CDK6: variants seen among roughly 807,000 people sequenced by gnomAD.
The protein encoded by CDK6 is cyclin-dependent kinase 6.
Under a neutral mutation model 37.1 loss-of-function variants are expected in CDK6, and 6 were observed. That is an observed-to-expected ratio of 0.16 (90% CI 0.09 to 0.32). The LOEUF (loss-of-function observed/expected upper bound fraction) is 0.32. CDK6 is among the 10% of genes least tolerant of loss of function. The probability of loss-of-function intolerance (pLI) is 1.00; values close to 1 mark genes in which losing one functional copy is unlikely to be tolerated. For missense variants in CDK6, 224 were observed against 418.9 expected, an observed-to-expected ratio of 0.53 and a Z score of 4.06; for synonymous variants, 160 against 161.3, an observed-to-expected ratio of 0.99 and a Z score of 0.06.
chr7:92,796,968 G>A (rs1274513755), intron 2 of CDK6, among the ~76,000 whole-genome samples: 4 of 152,144 alleles, frequency 2.6e-5, no homozygotes, highest in South Asian at 4.1e-4. Flanking sequence ...AAACCAAAAT[G>A]TGGGGATGAG....
At chr7:92,655,585 T>C (rs1796676886) in intron 5 of CDK6, among the ~76,000 whole-genome samples, 1 of 152,250 alleles carries the variant, frequency 6.6e-6, no homozygotes, top group Admixed American at 6.5e-5. Context: ...TACAATTAAA[T>C]GGTTGGGCAA....
intron 2 of CDK6, among the ~76,000 whole-genome samples, chr7:92,804,381 T>C (rs927029142): frequency 6.6e-5 from 10 of 152,162 alleles, no homozygotes; most frequent in Admixed American, 3.3e-4. Flanking sequence ...ACCTTCACCG[T>C]GGATTCTAGT....
At chr7:92,709,321 T>A (rs140539177) in intron 4 of CDK6, among the ~76,000 whole-genome samples, 305 of 152,258 alleles carry the variant, frequency 2.0e-3, no homozygotes, top group Non-Finnish European at 3.5e-3. Flanking sequence ...TGTGTGAACA[T>A]GAGCTGATGT....
At chr7:92,616,643 C>G (rs1795687025) in intron 7 of CDK6, among the ~76,000 whole-genome samples, 1 of 152,062 alleles carries the variant, frequency 6.6e-6, no homozygotes, top group African/African-American at 2.4e-5. Context: ...TCCCAGAGCC[C>G]AAGAAGGAGA....
chr7:92,779,831 T>A (rs930741429), intron 2 of CDK6, among the ~76,000 whole-genome samples: 23 of 152,210 alleles, frequency 1.5e-4, no homozygotes, highest in Non-Finnish European at 3.4e-4. Context: ...GCATTTTGAA[T>A]CAATGGTTGT....
intron 5 of CDK6, among the ~76,000 whole-genome samples, chr7:92,634,760 C>T (rs1052498397): frequency 6.6e-6 from 1 of 152,158 alleles, no homozygotes. Context: ...CATTGACTTA[C>T]ATCCATCTAC....
rs368936758 is a variant in CDK6, at chr7:92,717,479, A to G, written c.537+8147T>C. On this transcript the variant is annotated intron_variant, in intron 4 of 7. Transcript: ENST00000424848. Reference sequence around the variant, plus strand: ...AAAGAAGAAAGAAAGAAAAAGAAAGAAAGAAAGAAAAGAAAGAAAAGAAAA... The same window carrying G: ...AAAGAAGAAAGAAAGAAAAAGAAAGGAAGAAAGAAAAGAAAGAAAAGAAAA... Among the ~76,000 whole-genome samples the G allele has an allele frequency of 1.2e-3, 188 of 151,854 alleles. 1 individual carries two copies. The highest frequency in any genetic ancestry group is 4.4e-3 in the African/African-American group (184 of 41,396).
chr7:92,662,694 G>T (rs1455130433), intron 5 of CDK6, among the ~76,000 whole-genome samples: 1 of 152,086 alleles, frequency 6.6e-6, no homozygotes, highest in Non-Finnish European at 1.5e-5. Flanking sequence ...CTGTCTCCAC[G>T]TATTTGCAAA....
At chr7:92,836,014 G>A (rs1478255674) in intron 1 of CDK6, among the ~76,000 whole-genome samples, 1 of 152,198 alleles carries the variant, frequency 6.6e-6, no homozygotes, top group African/African-American at 2.4e-5. Flanking sequence ...TCAGCGAGCT[G>A]GAGAGGGAGT....
chr7:92,642,403 G>A (rs1197601301), intron 5 of CDK6, among the ~76,000 whole-genome samples: 3 of 152,086 alleles, frequency 2.0e-5, no homozygotes, highest in Admixed American at 6.5e-5. Flanking sequence ...ATGCCGCCCA[G>A]CCCACTGTGA....
In CDK6 at chr7:92,833,308, G is replaced by C. The variant is rs556194182; in HGVS notation, c.16C>G (p.Leu6Val). 9 of 1,596,842 alleles carry C rather than the reference G, an allele frequency of 5.6e-6. No individual in the cohort carries two copies. Among genetic ancestry groups the C allele is most frequent in the Non-Finnish European group, 7.7e-6 (9 of 1,174,072 alleles). The change falls in exon 2 of 8, where the codon CTG (leucine) becomes GTG (valine). Residue 6 changes from leucine (L) to valine (V), a missense_variant. Leu to Val is a conservative substitution (Grantham distance 32, BLOSUM62 1). This residue lies in a region of CDK6 where 18 missense variants were observed against 18.5 expected (regional missense o/e 0.97). Transcript: ENST00000424848. The surrounding 1 kb of genome is among the most constrained non-coding windows in gnomAD (Gnocchi z 6.1). Reference sequence around the variant, plus strand: ...TCGTACTGCTGGTCAGCGCGGCACAGGCCGTCCTTCTCCATGCCGCCTGGA... The same window carrying C: ...TCGTACTGCTGGTCAGCGCGGCACACGCCGTCCTTCTCCATGCCGCCTGGA... MEKDG[L>V]CRADQQYECV... is the part of the protein sequence containing the mutation.
In CDK6 at chr7:92,613,493, G is replaced by A. The variant is rs573007662; in HGVS notation, c.*1647C>T. 4.3e-6 allele frequency: 1 copy of A among 233,688 alleles called. No individual in the cohort carries two copies. Among genetic ancestry groups the A allele is most frequent in the Admixed American group, 5.6e-5 (1 of 17,806 alleles). 14.5% of individuals were successfully genotyped at this position (233,688 alleles called of 1,614,324 possible). ...TGAGCACTAAACCACTTATAAGGCA[G>A]AGATGGTATGAAATATAAAGGACTG... On this transcript the variant is annotated 3_prime_UTR_variant, in exon 8 of 8. Transcript: ENST00000424848.
chr7:92,762,253 T>C (rs1047251488), intron 3 of CDK6, among the ~76,000 whole-genome samples: 1 of 152,214 alleles, frequency 6.6e-6, no homozygotes, highest in Non-Finnish European at 1.5e-5. Flanking sequence ...GGTTTATTTA[T>C]GGTAAATAAA....
chr7:92,690,564 CT>C (rs1797578183), intron 4 of CDK6, among the ~76,000 whole-genome samples: 1 of 152,100 alleles, frequency 6.6e-6, no homozygotes, highest in South Asian at 2.1e-4. Context: ...ATGCCTCCAG[CT>C]TTGTTCAAAA....
rs1234451552 is a variant in CDK6 at position 92,609,019 on chromosome 7, C to G, written c.*6121G>C. Reference sequence around the variant, plus strand: ...TTCGCATAGGGGCTTTAACTGGACTCTAGTTCCTGGGAGCAGAGGGGCGAA... The same window carrying G: ...TTCGCATAGGGGCTTTAACTGGACTGTAGTTCCTGGGAGCAGAGGGGCGAA... On this transcript the variant is annotated 3_prime_UTR_variant, in exon 8 of 8. Coordinates refer to ENST00000424848, the MANE Select transcript of CDK6 (RefSeq NM_001145306.2). 8.6e-6 allele frequency: 2 copies of G among 233,334 alleles called. No homozygotes were observed. The highest frequency in any genetic ancestry group is 6.0e-5 in the East Asian group (1 of 16,592). 14.5% of individuals were successfully genotyped at this position (233,334 alleles called of 1,614,324 possible). A position where few individuals can be genotyped will look rare whatever the true frequency, so the allele number is the denominator to read the frequency against.
chr7:92,619,599 G>A (rs766614911), intron 6 of CDK6, among the ~76,000 whole-genome samples: 48 of 151,834 alleles, frequency 3.2e-4, no homozygotes, highest in South Asian at 1.5e-3. Flanking sequence ...ATTTCAGGAA[G>A]ATGTGGTACA....
At position 92,810,900 on chromosome 7, in the gene CDK6, A is replaced by G. The variant is rs73408708; in HGVS notation, c.233+22191T>C. 5.4e-3 allele frequency among the ~76,000 whole-genome samples: 817 copies of G among 152,198 alleles called. 7 individuals carry two copies. Among genetic ancestry groups the G allele is most frequent in the African/African-American group, 0.018 (761 of 41,538 alleles). ...ATCCTAGCCAACATGGCGAAACCCCATCTAAAAATACAACAATTAGCTGGG... is the reference window on the plus strand; with the variant it reads ...ATCCTAGCCAACATGGCGAAACCCCGTCTAAAAATACAACAATTAGCTGGG... On this transcript the variant is annotated intron_variant, in intron 2 of 7. Coordinates refer to ENST00000424848, the MANE Select transcript of CDK6 (RefSeq NM_001145306.2).
intron 2 of CDK6, among the ~76,000 whole-genome samples, chr7:92,775,085 G>T (rs1217111865): frequency 6.6e-6 from 1 of 152,208 alleles, no homozygotes; most frequent in Admixed American, 6.5e-5. Context: ...CAACGCGCTT[G>T]GAGCACAAGA....
chr7:92,693,368 T>C lies in CDK6; in HGVS notation c.538-21833A>G, dbSNP rs115692153. Among the ~76,000 whole-genome samples, 310 of 152,328 alleles carry C rather than the reference T, an allele frequency of 2.0e-3. 1 individual carries two copies. Among genetic ancestry groups the C allele is most frequent in the African/African-American group, 7.0e-3 (291 of 41,574 alleles). On this transcript the variant is annotated intron_variant, in intron 4 of 7. Transcript: ENST00000424848. ...CCCAGCCCTATGTGATCCTGTCTCATATGCCACAAGTTCTTTCAAAAGCTC... is the reference window on the plus strand; with the variant it reads ...CCCAGCCCTATGTGATCCTGTCTCACATGCCACAAGTTCTTTCAAAAGCTC...
Sources: gnomAD v4.1 joint callset for allele counts (sites outside exome capture counted in the v4.1 genomes callset) on GRCh38, gnomAD v4.1.1 for gene constraint, gnomAD v4.1.1 regional missense constraint, Gnocchi (gnomAD v3.1) non-coding constraint, MANE v1.5 for transcripts, NCBI Gene and HGNC (gene_info 2026-07-23, HGNC 2026-07-21) for gene names.